The following ATP8B1 variants were observed in gnomAD, a reference collection of about 807,000 sequenced individuals.
ATP8B1 encodes the protein ATPase phospholipid transporting 8B1.
ATP8B1 carries 80 observed loss-of-function variants against 149.9 expected under a neutral mutation model. The observed-to-expected ratio is 0.53, with a 90% CI of 0.45 to 0.64. ATP8B1 has a LOEUF of 0.64. Among genes scored for constraint, ATP8B1 ranks in the 30% least tolerant of loss-of-function variants. ATP8B1 has a pLI of 0.00. For synonymous variants in ATP8B1, 536 were observed against 562.8 expected (o/e 0.95, Z 0.67); for missense variants, 1,247 against 1,552.6 (o/e 0.80, Z 3.31).
intron 1 of ATP8B1, among the ~76,000 whole-genome samples, chr18:57,770,877 G>C (rs968669455): frequency 2.6e-5 from 4 of 152,174 alleles, no homozygotes; most frequent in Non-Finnish European, 5.9e-5. Flanking sequence ...TGTTTGTTTT[G>C]TTCTGTAACA....
chr18:57,662,487 C>A lies in ATP8B1; in HGVS notation c.2414G>T (p.Trp805Leu). ...AGATACACTAATGATACGTACCAACCAAGAACCAGTGATGATTAAGGCACG... is the reference window on the plus strand; with the variant it reads ...AGATACACTAATGATACGTACCAACAAAGAACCAGTGATGATTAAGGCACG... ...GNRALIITGS[W>L]LNEILLEKKT... The change falls in exon 21 of 28, where the codon TGG becomes TTG. Residue 805 changes from tryptophan (W) to leucine (L), a missense_variant. Trp to Leu is a moderately conservative substitution (Grantham distance 61). Around this residue, in one of 3 missense-constraint regions of ATP8B1, gnomAD observed 853 missense variants for 1,035.7 expected, o/e 0.82. Transcript: ENST00000648908. 6.2e-7 allele frequency: 1 copy of A among 1,614,062 alleles called. No homozygotes were observed. Among genetic ancestry groups the A allele is most frequent in the Non-Finnish European group, 8.5e-7 (1 of 1,179,984 alleles).
chr18:57,719,739 G>A (rs906866632), intron 2 of ATP8B1, among the ~76,000 whole-genome samples: 1 of 152,230 alleles, frequency 6.6e-6, no homozygotes, highest in Non-Finnish European at 1.5e-5. Flanking sequence ...CGGGAAGCTC[G>A]AACTGGGTGG....
intron 4 of ATP8B1, among the ~76,000 whole-genome samples, chr18:57,702,716 G>C (rs1913187981): frequency 6.6e-6 from 1 of 152,096 alleles, no homozygotes; most frequent in Non-Finnish European, 1.5e-5. Context: ...AATTAGCCAG[G>C]TGTGGTGGCG....
intron 13 of ATP8B1, 124 bp downstream of exon 13, chr18:57,688,175 A>G: frequency 9.3e-7 from 1 of 1,075,420 alleles, no homozygotes; most frequent in South Asian, 1.3e-5. Context: ...GAATGGCCCT[A>G]GCAGCAGGAC....
chr18:57,737,970 A>G (rs562188601), intron 1 of ATP8B1: 87 of 152,234 alleles, frequency 5.7e-4, no homozygotes, highest in African/African-American at 2.1e-3. Flanking sequence ...CCTCAACTCG[A>G]CTTCTCTGCA....
At chr18:57,732,347 ATATATGTGTATATATATG>A (rs1280378953) in intron 1 of ATP8B1, among the ~76,000 whole-genome samples, 1,378 of 132,768 alleles carry the variant, frequency 0.01, 8 homozygotes, top group South Asian at 0.018. Context: ...ATATATATGT[ATATATGTGTATATATATG>A]TATATATATA....
chr18:57,661,069 A>G (rs111817262), intron 22 of ATP8B1, 105 bp downstream of exon 22: 3 of 1,418,886 alleles, frequency 2.1e-6, no homozygotes, highest in Non-Finnish European at 1.9e-6. Flanking sequence ...CTCTATGAAA[A>G]CCTAAGCTGT....
At chr18:57,703,899 C>T (rs1023883571) in intron 4 of ATP8B1, among the ~76,000 whole-genome samples, 3 of 152,052 alleles carry the variant, frequency 2.0e-5, no homozygotes, top group African/African-American at 7.2e-5. Flanking sequence ...CATCTAACTA[C>T]AATGATAAAA....
chr18:57,800,644 T>C (rs1360246293), intron 1 of ATP8B1, among the ~76,000 whole-genome samples: 2 of 152,212 alleles, frequency 1.3e-5, no homozygotes, highest in Non-Finnish European at 2.9e-5. Flanking sequence ...ACTGACTATA[T>C]ATAAAGAACA....
chr18:57,649,136 T>C (rs887228237), intron 27 of ATP8B1, among the ~76,000 whole-genome samples: 3 of 151,330 alleles, frequency 2.0e-5, no homozygotes, highest in Admixed American at 6.6e-5. Context: ...GTGATCTGCC[T>C]GCCTCGGCCT....
intron 2 of ATP8B1, among the ~76,000 whole-genome samples, chr18:57,716,044 A>T (rs189327993): frequency 5.3e-5 from 8 of 152,330 alleles, no homozygotes; most frequent in Admixed American, 4.6e-4. Context: ...AAGACATAGT[A>T]CAATAAGATA....
intron 1 of ATP8B1, chr18:57,755,597 G>A (rs1794721596): frequency 6.6e-6 from 1 of 152,164 alleles, no homozygotes; most frequent in Non-Finnish European, 1.5e-5. Flanking sequence ...TTATTTGTGT[G>A]TTTACTGACT....
chr18:57,782,405 C>A (rs891521875), intron 1 of ATP8B1, among the ~76,000 whole-genome samples: 1 of 152,130 alleles, frequency 6.6e-6, no homozygotes, highest in Non-Finnish European at 1.5e-5. Flanking sequence ...TTCCATAAAC[C>A]CAAGTAAATT....
intron 2 of ATP8B1, among the ~76,000 whole-genome samples, chr18:57,709,676 T>C (rs1160344225): frequency 6.6e-6 from 1 of 150,518 alleles, no homozygotes; most frequent in Non-Finnish European, 1.5e-5. Flanking sequence ...CTTTTTTCTT[T>C]CTTTTTTCAT....
chr18:57,738,110 A>C (rs574961095), intron 1 of ATP8B1: 1 of 152,210 alleles, frequency 6.6e-6, no homozygotes, highest in Non-Finnish European at 1.5e-5. Flanking sequence ...AGATTTTCCC[A>C]GATCTAAATA....
intron 2 of ATP8B1, among the ~76,000 whole-genome samples, chr18:57,717,075 T>G (rs1383465438): frequency 6.6e-6 from 1 of 152,100 alleles, no homozygotes; most frequent in African/African-American, 2.4e-5. Flanking sequence ...AAATGACCAG[T>G]GGGTCAATGA....
At position 57,764,897 on chromosome 18, in the gene ATP8B1, A is replaced by G. The variant is rs1275044430; in HGVS notation, c.-25-33065T>C. On this transcript the variant is annotated intron_variant, in intron 1 of 27. Transcript: ENST00000648908. ...AGCATAATGGTTCCTCAAAAAATAA[A>G]CATAGAATTACCATAGGATCTAGCA... Among the ~76,000 whole-genome samples, 6 of 152,304 alleles carry G rather than the reference A, an allele frequency of 3.9e-5. No homozygotes were observed. In the South Asian group the frequency reaches 1.0e-3, roughly 26 times the overall value.
At chr18:57,706,406 G>C in intron 3 of ATP8B1, 84 bp downstream of exon 3, 7 of 1,070,668 alleles carry the variant, frequency 6.5e-6, no homozygotes, top group Non-Finnish European at 1.0e-5. Context: ...GTGGAAGGCA[G>C]GTGTAGCATG....
rs1265304759 is a variant in ATP8B1 at position 57,770,924 on chromosome 18, C to T, written c.-26+32074G>A. Among the ~76,000 whole-genome samples the T allele has an allele frequency of 3.9e-5, 6 of 152,186 alleles. No homozygotes were observed. In the South Asian group the frequency reaches 6.2e-4, roughly 16 times the overall value. On this transcript the variant is annotated intron_variant, in intron 1 of 27. Transcript: ENST00000648908. The stretch of plus-strand genomic sequence containing the variant: ...TGTCGCCCAGGCTGGAGTGCAGTGG[C>T]ACGATCTCGGCTCACTGCAACTTCT...
Sources: allele counts gnomAD v4.1 joint callset (sites outside exome capture counted in the v4.1 genomes callset), GRCh38; gene constraint gnomAD v4.1.1; regional missense constraint gnomAD v4.1.1; transcripts MANE v1.5; gene names NCBI Gene and HGNC (gene_info 2026-07-23, HGNC 2026-07-21).